Variants in FAM135B observed in about 807,000 individuals in gnomAD.
FAM135B encodes protein FAM135B.
Under a neutral mutation model 127.7 loss-of-function variants are expected in FAM135B, and 43 were observed. The ratio of observed to expected loss-of-function variants is 0.34; its 90% CI spans 0.26 to 0.43. The LOEUF (loss-of-function observed/expected upper bound fraction) is 0.43, where lower values mean the gene tolerates loss of function less well. FAM135B is among the 20% of genes least tolerant of loss of function. The pLI, the probability that FAM135B is intolerant of heterozygous loss-of-function variation, is 1.00. For synonymous variants in FAM135B, 670 were observed against 665.1 expected (o/e 1.01, Z -0.11); for missense variants, 1,558 against 1,725.6 (o/e 0.90, Z 1.72).
rs911875265 is a variant in FAM135B at position 138,484,765 on chromosome 8, G to A, written c.-20+11906C>T. On this transcript the variant is annotated intron_variant, in intron 1 of 19. Coordinates refer to ENST00000395297, the MANE Select transcript of FAM135B (RefSeq NM_015912.4). ...GGAAGAAAAAAAAAGAAACCTGGGA[G>A]AATCTCATTCTGTTATTCAGAAGCA... Among the ~76,000 whole-genome samples, 6 of 152,254 alleles carry A rather than the reference G, an allele frequency of 3.9e-5. No homozygotes were observed. The East Asian group carries it at 1.2e-3, about 29-fold the overall frequency.
At chr8:138,386,914 A>C (rs917504726) in intron 1 of FAM135B, among the ~76,000 whole-genome samples, 2 of 152,096 alleles carry the variant, frequency 1.3e-5, no homozygotes, top group African/African-American at 4.8e-5. Context: ...TAATGATCAT[A>C]CACTACAATG....
chr8:138,417,433 C>G (rs963226246), intron 1 of FAM135B, among the ~76,000 whole-genome samples: 4 of 152,168 alleles, frequency 2.6e-5, no homozygotes, highest in East Asian at 1.9e-4. Flanking sequence ...TACTCACCCC[C>G]AGCCGTTCCT....
chr8:138,458,569 C>T lies in FAM135B; in HGVS notation c.-20+38102G>A, dbSNP rs141913531. Among the ~76,000 whole-genome samples the T allele has an allele frequency of 1.8e-3, 270 of 152,288 alleles. 1 individual carries two copies. Among genetic ancestry groups the T allele is most frequent in the African/African-American group, 6.3e-3 (262 of 41,570 alleles). ...AGAGAGTACATGTGTCCAGAGAATT[C>T]CATGCTTCCTTCCTGGTACCAAATC... On this transcript the variant is annotated intron_variant, in intron 1 of 19. Transcript: ENST00000395297.
intron 12 of FAM135B, among the ~76,000 whole-genome samples, chr8:138,158,904 A>C (rs1417724437): frequency 6.6e-6 from 1 of 152,182 alleles, no homozygotes; most frequent in Non-Finnish European, 1.5e-5. Flanking sequence ...AGGATCTAGA[A>C]CTAGAAATAC....
At chr8:138,428,048 A>C (rs1394035538) in intron 1 of FAM135B, among the ~76,000 whole-genome samples, 1 of 152,210 alleles carries the variant, frequency 6.6e-6, no homozygotes, top group Non-Finnish European at 1.5e-5. Context: ...CCACGATCAT[A>C]ATAGGCTTCC....
At chr8:138,316,846 G>A (rs1427787999) in intron 2 of FAM135B, among the ~76,000 whole-genome samples, 1 of 151,920 alleles carries the variant, frequency 6.6e-6, no homozygotes, top group Non-Finnish European at 1.5e-5. Context: ...CGGGCGTGGT[G>A]GTGGGCGCCT....
At chr8:138,171,609 A>T (rs10103726) in intron 11 of FAM135B, among the ~76,000 whole-genome samples, 80,254 of 152,062 alleles carry the variant, frequency 0.53, 21,762 homozygotes, top group East Asian at 0.81. Context: ...ATTAATCAAC[A>T]TGGCATATGC....
intron 3 of FAM135B, among the ~76,000 whole-genome samples, chr8:138,279,910 T>C (rs1322465335): frequency 6.6e-6 from 1 of 152,210 alleles, no homozygotes; most frequent in Non-Finnish European, 1.5e-5. Context: ...AAATGAGCAC[T>C]TGAGTGTTAG....
chr8:138,489,008 T>C (rs1815101369), intron 1 of FAM135B, among the ~76,000 whole-genome samples: 1 of 152,128 alleles, frequency 6.6e-6, no homozygotes, highest in African/African-American at 2.4e-5. Flanking sequence ...CCCTTGTGGG[T>C]CTAAAGGAAC....
chr8:138,211,287 A>C (rs968609511), intron 7 of FAM135B, among the ~76,000 whole-genome samples: 3 of 152,198 alleles, frequency 2.0e-5, no homozygotes, highest in Non-Finnish European at 4.4e-5. Flanking sequence ...ATAATAAATC[A>C]TCGTTTACCT....
chr8:138,175,633 G>T (rs1814380419), intron 11 of FAM135B, among the ~76,000 whole-genome samples: 1 of 152,184 alleles, frequency 6.6e-6, no homozygotes, highest in Non-Finnish European at 1.5e-5. Context: ...TTGCACAGAA[G>T]AAATCAGCAG....
At chr8:138,449,761 A>G (rs1419277700) in intron 1 of FAM135B, among the ~76,000 whole-genome samples, 4 of 152,134 alleles carry the variant, frequency 2.6e-5, no homozygotes, top group Non-Finnish European at 1.5e-5. Context: ...CCCCATTATC[A>G]ATATTTCTCA....
At chr8:138,273,369 C>G (rs898079393) in intron 3 of FAM135B, among the ~76,000 whole-genome samples, 1 of 152,104 alleles carries the variant, frequency 6.6e-6, no homozygotes, top group Non-Finnish European at 1.5e-5. Context: ...CCATGCCCGG[C>G]TAATTTTTGT....
intron 2 of FAM135B, among the ~76,000 whole-genome samples, chr8:138,357,581 T>A (rs575728978): frequency 1.3e-5 from 2 of 152,266 alleles, no homozygotes; most frequent in African/African-American, 4.8e-5. Flanking sequence ...CACAGATACA[T>A]ATATGTGTGC....
At chr8:138,348,690 T>C (rs1829579703) in intron 2 of FAM135B, among the ~76,000 whole-genome samples, 1 of 152,212 alleles carries the variant, frequency 6.6e-6, no homozygotes, top group African/African-American at 2.4e-5. Flanking sequence ...ACCTTTAAAA[T>C]CTACCTTCTT....
intron 1 of FAM135B, among the ~76,000 whole-genome samples, chr8:138,403,334 C>A (rs774733163): frequency 6.6e-6 from 1 of 152,004 alleles, no homozygotes; most frequent in Non-Finnish European, 1.5e-5. Flanking sequence ...ACCAGCCCTG[C>A]AGGTAGACAG....
chr8:138,407,472 A>G (rs1006768743), intron 1 of FAM135B, among the ~76,000 whole-genome samples: 1 of 152,240 alleles, frequency 6.6e-6, no homozygotes, highest in African/African-American at 2.4e-5. Context: ...CCAAAAGAAC[A>G]AAGCCGGAGG....
At chr8:138,474,798 G>T (rs1814306625) in intron 1 of FAM135B, among the ~76,000 whole-genome samples, 1 of 152,144 alleles carries the variant, frequency 6.6e-6, no homozygotes, top group South Asian at 2.1e-4. Context: ...CTGAGAATCT[G>T]GGGGAATGAA....
At chr8:138,245,012 C>G (rs995884391) in intron 6 of FAM135B, among the ~76,000 whole-genome samples, 3 of 152,240 alleles carry the variant, frequency 2.0e-5, no homozygotes, top group African/African-American at 7.2e-5. Context: ...AGGTATTTCC[C>G]ACAAACTTAA....
Sources: allele counts gnomAD v4.1 joint callset (sites outside exome capture counted in the v4.1 genomes callset), GRCh38; gene constraint gnomAD v4.1.1; transcripts MANE v1.5; gene names NCBI Gene and HGNC (gene_info 2026-07-23, HGNC 2026-07-21).